The following MGAT4C variants were observed in gnomAD, a reference collection of about 807,000 sequenced individuals.
MGAT4C encodes the protein MGAT4 family member C, also known as alpha-1,3-mannosyl-glycoprotein 4-beta-N-acetylglucosaminyltransferase C.
Under a neutral mutation model 40.1 loss-of-function variants are expected in MGAT4C, and 19 were observed. The ratio of observed to expected loss-of-function variants is 0.47; its 90% CI spans 0.33 to 0.70. The LOEUF is 0.70. Among genes scored for constraint, MGAT4C ranks in the 30% least tolerant of loss-of-function variants. MGAT4C has a pLI of 0.02. For synonymous variants in MGAT4C, 181 were observed against 187.1 expected (o/e 0.97, Z 0.27); for missense variants, 491 against 563.2 (o/e 0.87, Z 1.30).
intron 2 of MGAT4C, among the ~76,000 whole-genome samples, chr12:86,713,666 G>A (rs1007082528): frequency 6.6e-6 from 1 of 152,024 alleles, no homozygotes; most frequent in Non-Finnish European, 1.5e-5. Flanking sequence ...CAATGTATTA[G>A]TAGTTTTATA....
At chr12:86,357,666 G>T (rs1301060711) in intron 3 of MGAT4C, among the ~76,000 whole-genome samples, 1 of 152,168 alleles carries the variant, frequency 6.6e-6, no homozygotes, top group Non-Finnish European at 1.5e-5. Flanking sequence ...CATGGCACAA[G>T]AACTATGTGA....
chr12:86,657,777 G>C (rs1021215551), intron 2 of MGAT4C, among the ~76,000 whole-genome samples: 6 of 151,836 alleles, frequency 4.0e-5, no homozygotes, highest in African/African-American at 1.4e-4. Flanking sequence ...GCATTCTAAT[G>C]CTTAAACCAG....
chr12:86,306,018 G>A (rs571018495), intron 4 of MGAT4C, among the ~76,000 whole-genome samples: 3 of 150,378 alleles, frequency 2.0e-5, no homozygotes, highest in South Asian at 2.1e-4. Flanking sequence ...CTCCTCTATC[G>A]AGGAAGATGG....
chr12:86,240,659 A>C (rs1951746925), intron 1 of MGAT4C, among the ~76,000 whole-genome samples: 1 of 151,902 alleles, frequency 6.6e-6, no homozygotes. Context: ...CCCTCCCCTG[A>C]CTCTCTTTCC....
At chr12:86,262,943 T>C (rs1401093864) in intron 4 of MGAT4C, among the ~76,000 whole-genome samples, 2 of 152,146 alleles carry the variant, frequency 1.3e-5, no homozygotes, top group Non-Finnish European at 2.9e-5. Flanking sequence ...TATAGTAATG[T>C]TGACTGTAAA....
chr12:86,269,109 GA>G (rs1952878800), intron 4 of MGAT4C, among the ~76,000 whole-genome samples: 1 of 139,786 alleles, frequency 7.2e-6, no homozygotes, highest in Non-Finnish European at 1.5e-5. Context: ...CTAACCTCAT[GA>G]CATTTTATTT....
intron 2 of MGAT4C, among the ~76,000 whole-genome samples, chr12:86,437,500 A>C (rs1957156353): frequency 6.6e-6 from 1 of 151,932 alleles, no homozygotes; most frequent in Admixed American, 6.6e-5. Flanking sequence ...ATATCATATT[A>C]GTTAAATGAC....
intron 4 of MGAT4C, among the ~76,000 whole-genome samples, chr12:86,305,995 T>TTAATGTATATCTC (rs1953926495): frequency 6.6e-6 from 1 of 150,572 alleles, no homozygotes; most frequent in Admixed American, 6.6e-5. Context: ...CATTATATCT[T>TTAATGTATATCTC]TAATGTATAT....
At chr12:86,733,348 T>A (rs985478565) in intron 1 of MGAT4C, among the ~76,000 whole-genome samples, 1 of 152,060 alleles carries the variant, frequency 6.6e-6, no homozygotes, top group African/African-American at 2.4e-5. Flanking sequence ...TTAAGATGTA[T>A]TTTTGTTGCT....
intron 4 of MGAT4C, among the ~76,000 whole-genome samples, chr12:86,327,344 ATAT>A (rs1338884992): frequency 6.6e-6 from 1 of 151,952 alleles, no homozygotes; most frequent in Non-Finnish European, 1.5e-5. Context: ...TTATATTAAA[ATAT>A]TATTTATTTA....
chr12:86,094,066 A>T (rs1475131808), intron 1 of MGAT4C, among the ~76,000 whole-genome samples: 1 of 152,160 alleles, frequency 6.6e-6, no homozygotes, highest in Non-Finnish European at 1.5e-5. Flanking sequence ...AGATTGTGTA[A>T]AATATGTTCA....
chr12:86,819,871 T>C (rs1444664204), intron 1 of MGAT4C, among the ~76,000 whole-genome samples: 1 of 129,092 alleles, frequency 7.7e-6, no homozygotes, highest in African/African-American at 2.5e-5. Context: ...ACATGGAGGG[T>C]AATGCTTAAT....
intron 2 of MGAT4C, among the ~76,000 whole-genome samples, chr12:86,514,378 G>A (rs1958647732): frequency 6.6e-6 from 1 of 152,062 alleles, no homozygotes; most frequent in Admixed American, 6.6e-5. Context: ...AAAATGACAC[G>A]AGTTTATTAT....
intron 2 of MGAT4C, among the ~76,000 whole-genome samples, chr12:85,993,782 C>T (rs1383991436): frequency 2.6e-5 from 4 of 152,174 alleles, no homozygotes; most frequent in Admixed American, 2.6e-4. Context: ...GCAGAGGCTT[C>T]CAGTAGCCAC....
chr12:86,423,955 C>A (rs912645981), intron 3 of MGAT4C, among the ~76,000 whole-genome samples: 1 of 152,088 alleles, frequency 6.6e-6, no homozygotes, highest in Non-Finnish European at 1.5e-5. Context: ...ACTATGCTTT[C>A]GAGAGATACA....
In MGAT4C at chr12:86,732,250, A is replaced by C. The variant is rs1950922998; in HGVS notation, c.-261-5009T>G. Among the ~76,000 whole-genome samples the C allele has an allele frequency of 2.0e-5, 3 of 152,258 alleles. No individual in the cohort carries two copies. In the South Asian group the frequency reaches 6.2e-4, roughly 32 times the overall value. The stretch of plus-strand genomic sequence containing the variant: ...TCTATTTAGTTCATCAATGCATTTG[A>C]ATGTTTTAATACAACAGTACCAATC... On this transcript the variant is annotated intron_variant, in intron 1 of 7. Transcript: ENST00000548651.
At chr12:86,157,587 G>C (rs1451037114) in intron 1 of MGAT4C, among the ~76,000 whole-genome samples, 1 of 151,824 alleles carries the variant, frequency 6.6e-6, no homozygotes, top group Non-Finnish European at 1.5e-5. Context: ...AACTACCTGA[G>C]ATTGGGTTAT....
At chr12:86,485,967 C>T (rs1016875621) in intron 2 of MGAT4C, among the ~76,000 whole-genome samples, 14 of 151,992 alleles carry the variant, frequency 9.2e-5, no homozygotes, top group African/African-American at 2.9e-4. Flanking sequence ...ATTTTATATC[C>T]CACCAAACTA....
chr12:86,797,391 C>G (rs1830762332), intron 1 of MGAT4C, among the ~76,000 whole-genome samples: 2 of 151,536 alleles, frequency 1.3e-5, no homozygotes, highest in South Asian at 4.2e-4. Flanking sequence ...TCCTCACATT[C>G]AACTGAACTG....
Sources: gnomAD v4.1 joint callset for allele counts (sites outside exome capture counted in the v4.1 genomes callset) on GRCh38, gnomAD v4.1.1 for gene constraint, MANE v1.5 for transcripts, NCBI Gene and HGNC (gene_info 2026-07-23, HGNC 2026-07-21) for gene names.